Variants in ELMO1 observed in about 807,000 individuals in gnomAD.
ELMO1 encodes the protein engulfment and cell motility 1.
Under a neutral mutation model 98.9 loss-of-function variants are expected in ELMO1, and 26 were observed. That is an observed-to-expected ratio of 0.26 (90% confidence interval 0.19 to 0.36). The LOEUF is 0.36. Ranked by LOEUF, ELMO1 falls within the 10% of genes least tolerant of loss-of-function variation. ELMO1 has a pLI of 1.00. For synonymous variants in ELMO1, 346 were observed against 346.0 expected (o/e 1.00, Z 0.00); for missense variants, 627 against 935.2 (o/e 0.67, Z 4.30).
At chr7:37,367,111 C>T (rs1425795427) in intron 1 of ELMO1, among the ~76,000 whole-genome samples, 4 of 152,216 alleles carry the variant, frequency 2.6e-5, no homozygotes, top group Non-Finnish European at 5.9e-5. Context: ...TCTTCAAGTT[C>T]CCCAGACACA....
At chr7:37,246,049 G>A (rs1286624134) in intron 6 of ELMO1, among the ~76,000 whole-genome samples, 7 of 152,206 alleles carry the variant, frequency 4.6e-5, no homozygotes, top group Non-Finnish European at 8.8e-5. Flanking sequence ...ACAGTGTAAC[G>A]ACTCTCACTA....
At chr7:37,132,982 A>T in intron 14 of ELMO1, 148 bp downstream of exon 14, 1 of 529,126 alleles carries the variant, frequency 1.9e-6, no homozygotes, top group Non-Finnish European at 3.1e-6. Flanking sequence ...GATCTCACTT[A>T]ATTCTGATTT....
intron 15 of ELMO1, among the ~76,000 whole-genome samples, chr7:37,033,141 C>T (rs1459649070): frequency 1.3e-5 from 2 of 152,046 alleles, no homozygotes; most frequent in Admixed American, 6.6e-5. Flanking sequence ...CTCCTGGAAG[C>T]CATTGAAATG....
intron 16 of ELMO1, among the ~76,000 whole-genome samples, chr7:36,910,082 C>T (rs1784237792): frequency 6.6e-6 from 1 of 152,110 alleles, no homozygotes; most frequent in Admixed American, 6.6e-5. Flanking sequence ...GTGAGGGAGG[C>T]ACAGATTAGT....
intron 16 of ELMO1, among the ~76,000 whole-genome samples, chr7:36,981,615 A>G (rs1004336684): frequency 6.6e-6 from 1 of 152,160 alleles, no homozygotes; most frequent in Non-Finnish European, 1.5e-5. Flanking sequence ...AATTAAACCC[A>G]CGTTCCATAC....
intron 1 of ELMO1, among the ~76,000 whole-genome samples, chr7:37,417,363 A>G (rs1374735680): frequency 6.6e-6 from 1 of 152,132 alleles, no homozygotes; most frequent in African/African-American, 2.4e-5. Flanking sequence ...GATGTCTACT[A>G]AAAAAATGCA....
At chr7:37,276,130 C>G (rs1352438148) in intron 4 of ELMO1, among the ~76,000 whole-genome samples, 5 of 152,170 alleles carry the variant, frequency 3.3e-5, no homozygotes, top group Admixed American at 2.0e-4. Flanking sequence ...CCAGCTTTCT[C>G]ATGTCCCCGG....
intron 2 of ELMO1, among the ~76,000 whole-genome samples, chr7:37,317,202 G>A (rs1046111111): frequency 9.2e-5 from 14 of 152,122 alleles, no homozygotes; most frequent in African/African-American, 1.7e-4. Flanking sequence ...TCTGAACACC[G>A]TTTGTATAGT....
chr7:37,315,707 A>G (rs1302501923), intron 3 of ELMO1, among the ~76,000 whole-genome samples: 1 of 152,262 alleles, frequency 6.6e-6, no homozygotes, highest in Non-Finnish European at 1.5e-5. Flanking sequence ...CCCACTGTGC[A>G]CATAACAGCC....
rs560408677 is a variant in ELMO1, at chr7:37,089,405, C to T, written c.1300+7214G>A. The stretch of plus-strand genomic sequence containing the variant: ...TATTAAATTGTAATCTAATTATAAA[C>T]GGTCAAACAGGTGAATTTGGCAAAA... On this transcript the variant is annotated intron_variant, in intron 15 of 21. Coordinates refer to ENST00000310758, the MANE Select transcript of ELMO1 (RefSeq NM_014800.11). Among the ~76,000 whole-genome samples, 7 of 151,976 alleles carry T rather than the reference C, an allele frequency of 4.6e-5. No homozygotes were observed. The South Asian group carries it at 1.0e-3, about 23-fold the overall frequency.
At chr7:37,184,490 G>A (rs771470929) in intron 13 of ELMO1, among the ~76,000 whole-genome samples, 16 of 152,094 alleles carry the variant, frequency 1.1e-4, no homozygotes, top group South Asian at 2.1e-4. Context: ...TGCTCTACAC[G>A]GTCAAGGCCA....
At chr7:37,258,012 G>A (rs187356088) in intron 6 of ELMO1, among the ~76,000 whole-genome samples, 94 of 151,900 alleles carry the variant, frequency 6.2e-4, no homozygotes, top group African/African-American at 2.1e-3. Context: ...ACTCACGCCT[G>A]TAATCCCAAC....
chr7:37,149,997 A>T (rs1023467671), intron 13 of ELMO1, among the ~76,000 whole-genome samples: 1 of 152,146 alleles, frequency 6.6e-6, no homozygotes, highest in Non-Finnish European at 1.5e-5. Context: ...ACCTTAGCTC[A>T]TGGCTAGAAG....
At chr7:37,211,835 G>A (rs1792994514) in intron 12 of ELMO1, among the ~76,000 whole-genome samples, 1 of 152,202 alleles carries the variant, frequency 6.6e-6, no homozygotes. Context: ...CGTGATTGGA[G>A]AAAGCTAAGC....
At chr7:36,953,839 T>TTGTGTGTGTG (rs10522376) in intron 16 of ELMO1, among the ~76,000 whole-genome samples, 221 of 136,262 alleles carry the variant, frequency 1.6e-3, no homozygotes, top group Non-Finnish European at 2.2e-3. Context: ...TGGGTATGTT[T>TTGTGTGTGTG]TGTGTGTGTG....
At chr7:37,053,523 C>T (rs919778809) in intron 15 of ELMO1, among the ~76,000 whole-genome samples, 2 of 152,144 alleles carry the variant, frequency 1.3e-5, no homozygotes, top group African/African-American at 2.4e-5. Context: ...CCCATTTCAT[C>T]GACTGTTGCT....
At chr7:37,386,121 C>T (rs1372298408) in intron 1 of ELMO1, among the ~76,000 whole-genome samples, 1 of 152,196 alleles carries the variant, frequency 6.6e-6, no homozygotes, top group African/African-American at 2.4e-5. Context: ...ATTTCATGCC[C>T]AGCCCTGGAG....
chr7:37,222,735 T>C (rs1446390931), intron 9 of ELMO1, 42 bp from the exon 10 acceptor site: 1 of 1,589,962 alleles, frequency 6.3e-7, no homozygotes, highest in Non-Finnish European at 8.6e-7. Context: ...GAACACGAAG[T>C]CAGAAGAGGC....
At chr7:37,075,111 T>G (rs1297422658) in intron 15 of ELMO1, among the ~76,000 whole-genome samples, 1 of 152,128 alleles carries the variant, frequency 6.6e-6, no homozygotes, top group African/African-American at 2.4e-5. Context: ...GATACATGGC[T>G]TTTACGTAGA....
Sources: allele counts gnomAD v4.1 joint callset (sites outside exome capture counted in the v4.1 genomes callset), GRCh38; gene constraint gnomAD v4.1.1; transcripts MANE v1.5; gene names NCBI Gene and HGNC (gene_info 2026-07-23, HGNC 2026-07-21).